Variants in FAM209A observed in about 807,000 individuals in gnomAD.
FAM209A encodes protein FAM209A.
In FAM209A, 4 loss-of-function variants were observed where a neutral mutation model predicts 9.8. The observed-to-expected ratio is 0.41, with a 90% CI of 0.20 to 0.94. The LOEUF (loss-of-function observed/expected upper bound fraction) is 0.94. Ranked by LOEUF, FAM209A falls within the 40% of genes least tolerant of loss-of-function variation. The pLI, the probability that FAM209A is intolerant of heterozygous loss-of-function variation, is 0.32. For missense variants in FAM209A, 205 were observed against 209.4 expected (o/e 0.98, Z 0.13); for synonymous variants, 55 against 77.8 (o/e 0.71, Z 1.54).
chr20:56,525,868 C>T lies in FAM209A; in HGVS notation c.314C>T (p.Ala105Val), dbSNP rs148518837. The change falls in exon 2 of 2, where the codon GCT becomes GTT. Residue 105 changes from alanine to valine, a missense_variant. Transcript: ENST00000371328. ...TCTCCATTAAAGAAAAAAAGAAATG[C>T]TTCCCCCAACAAAGACTGTGCATTC... ...LHSPLKKKRN[A>V]SPNKDCAFNT... 14 of 1,614,164 alleles carry T rather than the reference C, an allele frequency of 8.7e-6. No homozygotes were observed. Among genetic ancestry groups the T allele is most frequent in the East Asian group, 4.5e-5 (2 of 44,868 alleles).
the FAM209A span, among the ~76,000 whole-genome samples, chr20:56,531,607 C>A: frequency 6.6e-6 from 1 of 150,830 alleles, no homozygotes; most frequent in Non-Finnish European, 1.5e-5. Flanking sequence ...GGCCTCTTAC[C>A]ACAATTTTAA....
chr20:56,533,080 C>T, the FAM209A span: 7 of 873,594 alleles, frequency 8.0e-6, no homozygotes, highest in Non-Finnish European at 9.6e-6. Context: ...AAAGAGTCCC[C>T]TGGCAGGGAA....
the FAM209A span, among the ~76,000 whole-genome samples, chr20:56,531,974 C>CTTT: frequency 4.4e-5 from 5 of 113,056 alleles, no homozygotes; most frequent in African/African-American, 1.1e-4. Flanking sequence ...CTTTTCTTTT[C>CTTT]TTTTTTTTTT....
downstream of FAM209A, among the ~76,000 whole-genome samples, chr20:56,526,723 CT>C (rs1012454648): frequency 4.0e-5 from 6 of 151,138 alleles, no homozygotes; most frequent in African/African-American, 1.5e-4. Flanking sequence ...GATCGCACCG[CT>C]GCACTCCAGC....
At chr20:56,533,353 G>A in the FAM209A span, 58 of 1,614,066 alleles carry the variant, frequency 3.6e-5, no homozygotes, top group Non-Finnish European at 4.8e-5. Flanking sequence ...TGTGGACGCT[G>A]AAATCGTCCC....
downstream of FAM209A, among the ~76,000 whole-genome samples, chr20:56,529,940 G>C (rs1041784107): frequency 6.6e-6 from 1 of 152,234 alleles, no homozygotes; most frequent in African/African-American, 2.4e-5. Context: ...AGAATCACTT[G>C]AACCTGGGAG....
chr20:56,529,742 T>C (rs1402922670), downstream of FAM209A, among the ~76,000 whole-genome samples: 1 of 151,980 alleles, frequency 6.6e-6, no homozygotes, highest in African/African-American at 2.4e-5. Context: ...GGCAGGAGAA[T>C]CTCTTGAACC....
downstream of FAM209A, among the ~76,000 whole-genome samples, chr20:56,530,091 CCCATCCATCCATCCATTCAT>C (rs1985692439): frequency 6.6e-6 from 1 of 150,668 alleles, no homozygotes; most frequent in Non-Finnish European, 1.5e-5. Flanking sequence ...CAACCATCCA[CCCATCCATCCATCCATTCAT>C]CCATCCACCC....
downstream of FAM209A, among the ~76,000 whole-genome samples, chr20:56,529,492 G>A (rs909130347): frequency 3.9e-5 from 6 of 152,170 alleles, no homozygotes; most frequent in African/African-American, 1.4e-4. Context: ...ACTCCAGTGG[G>A]TGACAGAGTG....
chr20:56,528,405 C>T (rs530426768), downstream of FAM209A, among the ~76,000 whole-genome samples: 24 of 110,192 alleles, frequency 2.2e-4, no homozygotes, highest in Non-Finnish European at 4.0e-4. Flanking sequence ...CCACCCTGCA[C>T]AACATGGCAA....
downstream of FAM209A, among the ~76,000 whole-genome samples, chr20:56,526,791 G>T (rs1436585388): frequency 6.6e-6 from 1 of 152,100 alleles, no homozygotes; most frequent in African/African-American, 2.4e-5. Flanking sequence ...GAGAGGCCCG[G>T]CATGGTGGCT....
At chr20:56,532,364 A>T in the FAM209A span, among the ~76,000 whole-genome samples, 1 of 152,014 alleles carries the variant, frequency 6.6e-6, no homozygotes, top group Non-Finnish European at 1.5e-5. Context: ...CTGTGGAGGG[A>T]ATATGGCCAC....
downstream of FAM209A, among the ~76,000 whole-genome samples, chr20:56,530,663 A>ATTTT (rs34007542): frequency 2.1e-3 from 286 of 138,214 alleles, 2 homozygotes; most frequent in African/African-American, 7.0e-3. Flanking sequence ...CACTCAGCTA[A>ATTTT]TTTTTTTTTT....
chr20:56,528,072 A>G (rs1475039824), downstream of FAM209A, among the ~76,000 whole-genome samples: 2 of 152,060 alleles, frequency 1.3e-5, no homozygotes, highest in East Asian at 3.9e-4. Context: ...GCACCACTGC[A>G]CTCCAGCCTG....
At chr20:56,527,210 GT>G (rs879382039), downstream of FAM209A, among the ~76,000 whole-genome samples, 141 of 144,744 alleles carry the variant, frequency 9.7e-4, 1 homozygote, top group South Asian at 1.5e-3. Flanking sequence ...TTACAGGTGT[GT>G]TTTTTTTTTT....
At chr20:56,533,452 G>T in the FAM209A span, 2 of 1,506,150 alleles carry the variant, frequency 1.3e-6, no homozygotes, top group Non-Finnish European at 1.8e-6. Context: ...GGAAGGTGCC[G>T]TGTGGAGAGC....
chr20:56,529,957 C>T (rs931290921), downstream of FAM209A, among the ~76,000 whole-genome samples: 6 of 152,084 alleles, frequency 3.9e-5, no homozygotes, highest in African/African-American at 1.2e-4. Flanking sequence ...GGAGGCAGAG[C>T]TTGCAGTGAG....
At chr20:56,529,244 TG>T (rs1278596536), downstream of FAM209A, among the ~76,000 whole-genome samples, 3 of 151,258 alleles carry the variant, frequency 2.0e-5, no homozygotes, top group Non-Finnish European at 2.9e-5. Context: ...AGGCTGGGTG[TG>T]GTGGCTCACA....
downstream of FAM209A, among the ~76,000 whole-genome samples, chr20:56,526,658 AAAG>A (rs1327396668): frequency 1.3e-5 from 2 of 151,980 alleles, no homozygotes; most frequent in Non-Finnish European, 2.9e-5. Flanking sequence ...AAAAAAAAAA[AAAG>A]GGGGATGAGG....
Sources: allele counts gnomAD v4.1 joint callset (sites outside exome capture counted in the v4.1 genomes callset), GRCh38; gene constraint gnomAD v4.1.1; transcripts MANE v1.5; gene names NCBI Gene and HGNC (gene_info 2026-07-23, HGNC 2026-07-21).